Variants in SYNDIG1 observed in about 807,000 individuals in gnomAD.
SYNDIG1 encodes the protein synapse differentiation-inducing gene protein 1.
SYNDIG1 carries 9 observed loss-of-function variants against 19.4 expected under a neutral mutation model. The observed-to-expected ratio is 0.46, with a 90% CI of 0.28 to 0.81. SYNDIG1 has a LOEUF of 0.81. SYNDIG1 is among the 30% of genes least tolerant of loss of function. The pLI, the probability that SYNDIG1 is intolerant of heterozygous loss-of-function variation, is 0.12. For missense variants in SYNDIG1, 311 were observed against 343.3 expected, an observed-to-expected ratio of 0.91 and a Z score of 0.74; for synonymous variants, 141 against 145.9, an observed-to-expected ratio of 0.97 and a Z score of 0.24.
intron 3 of SYNDIG1, among the ~76,000 whole-genome samples, chr20:24,621,104 A>C (rs534449212): frequency 4.7e-4 from 72 of 152,362 alleles, no homozygotes; most frequent in African/African-American, 1.7e-3. Context: ...TAAATATTTT[A>C]AGAGTGTTAA....
intron 2 of SYNDIG1, among the ~76,000 whole-genome samples, chr20:24,579,698 A>G (rs2146991199): frequency 6.6e-6 from 1 of 152,316 alleles, no homozygotes; most frequent in Non-Finnish European, 1.5e-5. Context: ...CACGTTGGCC[A>G]GTGGCTGCCA....
At chr20:24,564,572 C>T (rs1037804676) in intron 2 of SYNDIG1, among the ~76,000 whole-genome samples, 14 of 151,772 alleles carry the variant, frequency 9.2e-5, no homozygotes, top group African/African-American at 2.7e-4. Context: ...AAAAGAGGTG[C>T]GTTATTTGTT....
intron 3 of SYNDIG1, among the ~76,000 whole-genome samples, chr20:24,634,990 G>A (rs1007380684): frequency 8.5e-5 from 13 of 152,184 alleles, no homozygotes; most frequent in Non-Finnish European, 1.8e-4. Flanking sequence ...GGATCCTGCA[G>A]CTCCCACACG....
chr20:24,501,141 T>C (rs778905035), intron 1 of SYNDIG1, among the ~76,000 whole-genome samples: 2 of 152,274 alleles, frequency 1.3e-5, no homozygotes, highest in Non-Finnish European at 2.9e-5. Flanking sequence ...TCTACCTATG[T>C]AGACAGCATA....
chr20:24,619,206 C>G (rs1469067863), intron 3 of SYNDIG1, among the ~76,000 whole-genome samples: 4 of 152,190 alleles, frequency 2.6e-5, no homozygotes, highest in South Asian at 2.1e-4. Flanking sequence ...GAACCCTCAG[C>G]CCTCAGCCAA....
At chr20:24,520,820 A>G (rs1378425388) in intron 1 of SYNDIG1, among the ~76,000 whole-genome samples, 1 of 152,134 alleles carries the variant, frequency 6.6e-6, no homozygotes, top group African/African-American at 2.4e-5. Context: ...TTTTTATTGT[A>G]GTAAATACAT....
chr20:24,637,438 A>T (rs1418108391), intron 3 of SYNDIG1, among the ~76,000 whole-genome samples: 1 of 152,198 alleles, frequency 6.6e-6, no homozygotes, highest in Non-Finnish European at 1.5e-5. Context: ...GCCCATAAAG[A>T]CAACCCTCTC....
chr20:24,553,714 C>G (rs1384865807), intron 2 of SYNDIG1, among the ~76,000 whole-genome samples: 1 of 152,116 alleles, frequency 6.6e-6, no homozygotes, highest in African/African-American at 2.4e-5. Flanking sequence ...TTACTGTAGC[C>G]TTGTAGTATA....
At chr20:24,572,312 C>T (rs535805606) in intron 2 of SYNDIG1, among the ~76,000 whole-genome samples, 60 of 152,284 alleles carry the variant, frequency 3.9e-4, no homozygotes, top group African/African-American at 1.3e-3. Flanking sequence ...CGCATTCTGG[C>T]GTGAGGGGAT....
At chr20:24,573,948 C>T (rs1457360014) in intron 2 of SYNDIG1, among the ~76,000 whole-genome samples, 1 of 152,198 alleles carries the variant, frequency 6.6e-6, no homozygotes, top group Non-Finnish European at 1.5e-5. Context: ...CTCTGGAGAC[C>T]TGAAGTCTGC....
At chr20:24,504,125 A>G (rs2056527306) in intron 1 of SYNDIG1, among the ~76,000 whole-genome samples, 3 of 152,120 alleles carry the variant, frequency 2.0e-5, no homozygotes, top group South Asian at 4.2e-4. Flanking sequence ...ACGCCGACTA[A>G]TTTTTTGTAT....
At chr20:24,551,931 A>G (rs534838424) in intron 2 of SYNDIG1, among the ~76,000 whole-genome samples, 66 of 152,346 alleles carry the variant, frequency 4.3e-4, no homozygotes, top group African/African-American at 1.5e-3. Flanking sequence ...CCATGTGAAC[A>G]AGGAAAGAAT....
At position 24,574,592 on chromosome 20, in the gene SYNDIG1, C is replaced by T. The variant is rs555837779; in HGVS notation, c.481-10264C>T. On this transcript the variant is annotated intron_variant, in intron 2 of 3. Coordinates refer to ENST00000376862, the MANE Select transcript of SYNDIG1 (RefSeq NM_024893.3). The stretch of plus-strand genomic sequence containing the variant: ...GAGCACTTCCAGGCCACAGGAAGAA[C>T]TTAGCCTGATGGGTGAACTCAATGA... Among the ~76,000 whole-genome samples, 953 of 152,306 alleles carry T rather than the reference C, an allele frequency of 6.3e-3. 6 individuals carry two copies. The highest frequency in any genetic ancestry group is 0.012 in the South Asian group (58 of 4,822).
intron 1 of SYNDIG1, among the ~76,000 whole-genome samples, chr20:24,494,055 C>T (rs1342730444): frequency 1.3e-5 from 2 of 152,166 alleles, no homozygotes; most frequent in African/African-American, 4.8e-5. Flanking sequence ...CACACCCCTG[C>T]TCGCTGGGTA....
chr20:24,620,637 A>T (rs1316821713), intron 3 of SYNDIG1, among the ~76,000 whole-genome samples: 4 of 152,224 alleles, frequency 2.6e-5, no homozygotes, highest in African/African-American at 9.6e-5. Context: ...CAAGGCATTC[A>T]TAGGAGGAGA....
chr20:24,505,121 T>C (rs2056555853), intron 1 of SYNDIG1, among the ~76,000 whole-genome samples: 1 of 152,132 alleles, frequency 6.6e-6, no homozygotes, highest in South Asian at 2.1e-4. Flanking sequence ...GGTCTGTGCG[T>C]GTCCAGCTTG....
At chr20:24,647,047 C>T (rs894075731) in intron 3 of SYNDIG1, among the ~76,000 whole-genome samples, 1 of 152,176 alleles carries the variant, frequency 6.6e-6, no homozygotes, top group Non-Finnish European at 1.5e-5. Context: ...GCGACCCTCA[C>T]GTAGTCTTTT....
intron 1 of SYNDIG1, among the ~76,000 whole-genome samples, chr20:24,495,209 A>G (rs1313656771): frequency 6.6e-6 from 1 of 152,210 alleles, no homozygotes; most frequent in African/African-American, 2.4e-5. Context: ...GGACATCAGA[A>G]GGGAGGGTGG....
intron 3 of SYNDIG1, among the ~76,000 whole-genome samples, chr20:24,660,953 C>T (rs949610635): frequency 3.9e-5 from 6 of 152,224 alleles, no homozygotes; most frequent in Admixed American, 1.3e-4. Context: ...GCTGGTCACC[C>T]GCCCGCAGTG....
Sources: allele counts gnomAD v4.1 joint callset (sites outside exome capture counted in the v4.1 genomes callset), GRCh38; gene constraint gnomAD v4.1.1; transcripts MANE v1.5; gene names NCBI Gene and HGNC (gene_info 2026-07-23, HGNC 2026-07-21).